The following ERC2 variants were observed in gnomAD, a reference collection of about 807,000 sequenced individuals.
The protein encoded by ERC2 is ERC protein 2.
A neutral mutation model predicts 114.8 loss-of-function variants in ERC2; 42 were observed. That is an observed-to-expected ratio of 0.37 (90% CI 0.29 to 0.47). ERC2 has a LOEUF of 0.47. Among genes scored for constraint, ERC2 ranks in the 20% least tolerant of loss-of-function variants. The probability of loss-of-function intolerance (pLI) is 0.99; values close to 1 mark genes in which losing one functional copy is unlikely to be tolerated. For synonymous variants in ERC2, 454 were observed against 425.5 expected (o/e 1.07, Z -0.82); for missense variants, 939 against 1,150.7 (o/e 0.82, Z 2.66).
chr3:56,111,278 G>C (rs572537131), intron 6 of ERC2, among the ~76,000 whole-genome samples: 2 of 151,072 alleles, frequency 1.3e-5, no homozygotes, highest in African/African-American at 4.9e-5. Context: ...TCAATCTCTC[G>C]CTCCCTCTTT....
intron 6 of ERC2, among the ~76,000 whole-genome samples, chr3:56,083,600 C>A (rs1439800715): frequency 6.6e-6 from 1 of 151,906 alleles, no homozygotes; most frequent in Non-Finnish European, 1.5e-5. Context: ...TAAGAATTAA[C>A]AAATATCTTA....
chr3:55,686,136 C>T (rs2062319918), intron 16 of ERC2, among the ~76,000 whole-genome samples: 1 of 152,036 alleles, frequency 6.6e-6, no homozygotes, highest in Admixed American at 6.6e-5. Flanking sequence ...TACTGTTCCT[C>T]GTCCACCATA....
At chr3:55,825,384 C>T (rs1275431800) in intron 14 of ERC2, among the ~76,000 whole-genome samples, 3 of 152,170 alleles carry the variant, frequency 2.0e-5, no homozygotes, top group Admixed American at 1.3e-4. Context: ...TACAGTTTAA[C>T]AGATTTCTTT....
In ERC2 at chr3:56,048,903, G is replaced by A. The variant is rs184564414; in HGVS notation, c.1642-29872C>T. Among the ~76,000 whole-genome samples, 438 of 152,308 alleles carry A rather than the reference G, an allele frequency of 2.9e-3. 3 individuals are homozygous for A. The highest frequency in any genetic ancestry group is 0.024 in the South Asian group (114 of 4,820). On this transcript the variant is annotated intron_variant, in intron 7 of 17. Transcript: ENST00000288221. ...GTTCAGGGAACAGTAAGTGATGGGG[G>A]TTTGCAGCTGAGTTACGTGAGATGG...
At chr3:55,888,043 T>C (rs1341731351) in intron 14 of ERC2, among the ~76,000 whole-genome samples, 1 of 152,248 alleles carries the variant, frequency 6.6e-6, no homozygotes, top group Non-Finnish European at 1.5e-5. Flanking sequence ...CACTTAACTC[T>C]GAGCAGCGCT....
At chr3:55,729,753 G>T (rs541793571) in intron 15 of ERC2, among the ~76,000 whole-genome samples, 40 of 141,994 alleles carry the variant, frequency 2.8e-4, no homozygotes, top group African/African-American at 1.0e-3. Flanking sequence ...TGGGAGTATC[G>T]CTAGAGCCCA....
chr3:55,653,404 G>A (rs2060722043), intron 17 of ERC2, among the ~76,000 whole-genome samples: 1 of 152,244 alleles, frequency 6.6e-6, no homozygotes, highest in African/African-American at 2.4e-5. Context: ...AGCAATCTGA[G>A]AAGTCACCTC....
intron 1 of ERC2, among the ~76,000 whole-genome samples, chr3:56,438,128 A>T (rs914987674): frequency 1.3e-5 from 2 of 152,236 alleles, no homozygotes; most frequent in African/African-American, 4.8e-5. Flanking sequence ...TCCCAGTTTT[A>T]AAACTTGAGA....
intron 14 of ERC2, among the ~76,000 whole-genome samples, chr3:55,837,404 C>G (rs1255410315): frequency 3.3e-5 from 5 of 152,054 alleles, no homozygotes; most frequent in Non-Finnish European, 7.4e-5. Context: ...CACATATACA[C>G]CATGGAATAC....
intron 15 of ERC2, among the ~76,000 whole-genome samples, chr3:55,727,963 C>A (rs2065023144): frequency 6.6e-6 from 1 of 152,130 alleles, no homozygotes; most frequent in African/African-American, 2.4e-5. Context: ...ACACACAGGC[C>A]TCATCTTCTC....
intron 2 of ERC2, among the ~76,000 whole-genome samples, chr3:56,322,651 T>C (rs2057180925): frequency 6.6e-6 from 1 of 152,138 alleles, no homozygotes. Flanking sequence ...GTGAGCATTA[T>C]AACTGTCCCA....
At chr3:56,225,843 C>T (rs1025004916) in intron 3 of ERC2, among the ~76,000 whole-genome samples, 16 of 152,144 alleles carry the variant, frequency 1.1e-4, no homozygotes, top group African/African-American at 3.6e-4. Context: ...CCTATTGATG[C>T]TTCCAGCCCA....
At chr3:56,338,350 T>A (rs2057944272) in intron 2 of ERC2, among the ~76,000 whole-genome samples, 1 of 152,252 alleles carries the variant, frequency 6.6e-6, no homozygotes, top group African/African-American at 2.4e-5. Flanking sequence ...CCTCATCTAA[T>A]CCAGGCCCTC....
chr3:55,950,940 G>T (rs1388544996), intron 12 of ERC2, among the ~76,000 whole-genome samples: 1 of 152,208 alleles, frequency 6.6e-6, no homozygotes, highest in African/African-American at 2.4e-5. Flanking sequence ...GGAAGGAGAT[G>T]ACTTTAGATG....
chr3:55,886,726 T>C (rs2063363790), intron 14 of ERC2, among the ~76,000 whole-genome samples: 1 of 152,242 alleles, frequency 6.6e-6, no homozygotes, highest in African/African-American at 2.4e-5. Context: ...ACTAATTACA[T>C]AAGTTAATCT....
chr3:55,572,242 A>G (rs930658212), intron 17 of ERC2, among the ~76,000 whole-genome samples: 1 of 152,150 alleles, frequency 6.6e-6, no homozygotes, highest in African/African-American at 2.4e-5. Context: ...GGCCTGGGAG[A>G]CAGGCAGGCT....
At chr3:55,658,793 T>C (rs756334334) in intron 17 of ERC2, 2 of 152,670 alleles carry the variant, frequency 1.3e-5, no homozygotes, top group African/African-American at 4.8e-5. Context: ...CAGCCACAGA[T>C]GTTTAACTAA....
At chr3:56,368,342 T>C (rs1014288459) in intron 2 of ERC2, among the ~76,000 whole-genome samples, 2 of 152,168 alleles carry the variant, frequency 1.3e-5, no homozygotes, top group African/African-American at 2.4e-5. Flanking sequence ...TAGCTCTTAA[T>C]TGGGAAAACA....
At chr3:56,091,794 A>G (rs1196551500) in intron 6 of ERC2, among the ~76,000 whole-genome samples, 4 of 152,280 alleles carry the variant, frequency 2.6e-5, no homozygotes, top group African/African-American at 9.6e-5. Context: ...GGTCATCTCA[A>G]TTGAGCCTTT....
Sources: allele counts gnomAD v4.1 joint callset (sites outside exome capture counted in the v4.1 genomes callset), GRCh38; gene constraint gnomAD v4.1.1; transcripts MANE v1.5; gene names NCBI Gene and HGNC (gene_info 2026-07-23, HGNC 2026-07-21).